The following SNTG1 variants were observed in gnomAD, a reference collection of about 807,000 sequenced individuals.
SNTG1 encodes syntrophin gamma 1.
Under a neutral mutation model 74.7 loss-of-function variants are expected in SNTG1, and 39 were observed. The ratio of observed to expected loss-of-function variants is 0.52; its 90% CI spans 0.40 to 0.68. The LOEUF (loss-of-function observed/expected upper bound fraction) is 0.68. SNTG1 is among the 30% of genes least tolerant of loss of function. The pLI, the probability that SNTG1 is intolerant of heterozygous loss-of-function variation, is 0.00. For synonymous variants in SNTG1, 254 were observed against 217.1 expected (o/e 1.17, Z -1.49); for missense variants, 685 against 609.5 (o/e 1.12, Z -1.30).
At chr8:50,115,352 AG>A (rs1204150401) in intron 1 of SNTG1, among the ~76,000 whole-genome samples, 4 of 151,776 alleles carry the variant, frequency 2.6e-5, no homozygotes, top group African/African-American at 9.7e-5. Context: ...GGATCACCTG[AG>A]GTCAGGAGTT....
At chr8:50,554,531 C>G (rs751622034) in intron 12 of SNTG1, among the ~76,000 whole-genome samples, 22 of 150,260 alleles carry the variant, frequency 1.5e-4, no homozygotes, top group Non-Finnish European at 2.1e-4. Context: ...CCAAGCCTTA[C>G]CCAGGCTCAT....
At chr8:50,039,536 C>T (rs1034288253) in intron 1 of SNTG1, among the ~76,000 whole-genome samples, 1 of 149,604 alleles carries the variant, frequency 6.7e-6, no homozygotes, top group Non-Finnish European at 1.5e-5. Flanking sequence ...TCAGCACAGG[C>T]GAGGCCTCTC....
intron 1 of SNTG1, among the ~76,000 whole-genome samples, chr8:50,044,528 G>A (rs578178809): frequency 3.9e-4 from 59 of 152,264 alleles, no homozygotes; most frequent in African/African-American, 1.3e-3. Context: ...GCATATGAGG[G>A]TCACCATTAC....
At chr8:50,055,450 T>C (rs1819944989) in intron 1 of SNTG1, among the ~76,000 whole-genome samples, 1 of 152,142 alleles carries the variant, frequency 6.6e-6, no homozygotes, top group African/African-American at 2.4e-5. Context: ...AACATGTTAA[T>C]GCTCCTGTTT....
At chr8:50,562,654 A>G (rs2094495194) in intron 12 of SNTG1, among the ~76,000 whole-genome samples, 1 of 152,206 alleles carries the variant, frequency 6.6e-6, no homozygotes. Context: ...TGATATGACA[A>G]CAATAGAAAC....
intron 13 of SNTG1, among the ~76,000 whole-genome samples, chr8:50,610,981 A>AT (rs908565688): frequency 2.6e-5 from 4 of 151,796 alleles, no homozygotes; most frequent in African/African-American, 9.7e-5. Flanking sequence ...AATAGCAAAA[A>AT]AAAATTAAAC....
chr8:50,792,859 T>A lies in SNTG1; in HGVS notation c.*30T>A. 6.3e-7 allele frequency: 1 copy of A among 1,596,088 alleles called. No individual in the cohort carries two copies. Among genetic ancestry groups the A allele is most frequent in the Non-Finnish European group, 8.5e-7 (1 of 1,170,558 alleles). On this transcript the variant is annotated 3_prime_UTR_variant, in exon 19 of 19. Coordinates refer to ENST00000642720, the MANE Select transcript of SNTG1 (RefSeq NM_018967.5). Reference sequence around the variant, plus strand: ...CTGAACTCTTCATTGACACACCCCATGACTGTATAAGCAGGACACATTTAC... The same window carrying A: ...CTGAACTCTTCATTGACACACCCCAAGACTGTATAAGCAGGACACATTTAC...
At chr8:50,062,090 C>A (rs1820523285) in intron 1 of SNTG1, among the ~76,000 whole-genome samples, 1 of 152,190 alleles carries the variant, frequency 6.6e-6, no homozygotes, top group Admixed American at 6.5e-5. Flanking sequence ...GTTACCCAGA[C>A]TGGAGTACAG....
At chr8:50,600,420 C>T (rs1472102440) in intron 13 of SNTG1, among the ~76,000 whole-genome samples, 1 of 151,980 alleles carries the variant, frequency 6.6e-6, no homozygotes, top group Non-Finnish European at 1.5e-5. Flanking sequence ...GCCATTGGGT[C>T]CTCAGATTTT....
At chr8:50,175,165 A>G (rs2082951360) in intron 2 of SNTG1, among the ~76,000 whole-genome samples, 2 of 152,108 alleles carry the variant, frequency 1.3e-5, no homozygotes, top group Admixed American at 1.3e-4. Flanking sequence ...TAGTGCCGCA[A>G]TAAACATACG....
At chr8:50,009,717 G>C (rs148509160) in intron 1 of SNTG1, among the ~76,000 whole-genome samples, 1 of 152,148 alleles carries the variant, frequency 6.6e-6, no homozygotes, top group Admixed American at 6.5e-5. Flanking sequence ...TATGTACAAG[G>C]CTGCCTGTGG....
intron 2 of SNTG1, among the ~76,000 whole-genome samples, chr8:50,378,637 TGTTCAGCTCTTAGCAGAGAAGGTA>T (rs2092429461): frequency 6.6e-6 from 1 of 151,786 alleles, no homozygotes. Context: ...TCCCAATGAG[TGTTCAGCTCTTAGCAGAGAAGGTA>T]GCTCCTCTCT....
At chr8:50,229,698 T>C (rs2085519980) in intron 2 of SNTG1, among the ~76,000 whole-genome samples, 1 of 151,494 alleles carries the variant, frequency 6.6e-6, no homozygotes, top group African/African-American at 2.4e-5. Context: ...AAAAATTTCA[T>C]TTAGTTGACT....
chr8:50,146,333 C>A (rs952503842), intron 1 of SNTG1, among the ~76,000 whole-genome samples: 2 of 152,086 alleles, frequency 1.3e-5, no homozygotes, highest in African/African-American at 4.8e-5. Context: ...GCCTGACTAA[C>A]ATGGTGAAAC....
At chr8:50,229,446 G>T (rs2085502962) in intron 2 of SNTG1, among the ~76,000 whole-genome samples, 1 of 151,108 alleles carries the variant, frequency 6.6e-6, no homozygotes, top group Admixed American at 6.6e-5. Flanking sequence ...AAAATAAAAA[G>T]ACTGGGTTAG....
chr8:50,131,737 T>C (rs2081324931), intron 1 of SNTG1, among the ~76,000 whole-genome samples: 1 of 152,144 alleles, frequency 6.6e-6, no homozygotes, highest in South Asian at 2.1e-4. Context: ...GGTAGTTCCA[T>C]ATTTAATTTT....
intron 2 of SNTG1, among the ~76,000 whole-genome samples, chr8:50,222,984 G>T (rs4873433): frequency 0.43 from 65,432 of 151,944 alleles, 17,839 homozygotes; most frequent in African/African-American, 0.78. Context: ...AGAAAGAATA[G>T]TCAATAGAAA....
chr8:49,976,982 G>A (rs1812252276), intron 1 of SNTG1, among the ~76,000 whole-genome samples: 1 of 152,146 alleles, frequency 6.6e-6, no homozygotes, highest in South Asian at 2.1e-4. Flanking sequence ...ACAATTTGCA[G>A]CAGGAAGTGC....
chr8:50,493,109 CA>C (rs371305155), intron 8 of SNTG1, among the ~76,000 whole-genome samples: 2 of 152,236 alleles, frequency 1.3e-5, no homozygotes, highest in Admixed American at 6.5e-5. Context: ...ATTGGCTAGC[CA>C]TATGCAGAAA....
Sources: gnomAD v4.1 joint callset for allele counts (sites outside exome capture counted in the v4.1 genomes callset) on GRCh38, gnomAD v4.1.1 for gene constraint, MANE v1.5 for transcripts, NCBI Gene and HGNC (gene_info 2026-07-23, HGNC 2026-07-21) for gene names.